ERFL: variants seen among roughly 807,000 people sequenced by gnomAD.
ERFL encodes ETS repressor factor like, also known as ETS domain-containing transcription factor ERF-like.
ERFL carries 8 observed loss-of-function variants against 27.9 expected under a neutral mutation model. That is an observed-to-expected ratio of 0.29 (90% confidence interval 0.17 to 0.52). ERFL has a LOEUF of 0.52. ERFL is among the 20% of genes least tolerant of loss of function. ERFL has a pLI of 0.97. For missense variants in ERFL, 294 were observed against 444.4 expected (o/e 0.66, Z 3.04); for synonymous variants, 174 against 202.8 (o/e 0.86, Z 1.21).
At chr19:41,920,104 A>ACG (rs2074831055) in intron 1 of ERFL, among the ~76,000 whole-genome samples, 2 of 108,862 alleles carry the variant, frequency 1.8e-5, no homozygotes, top group African/African-American at 7.0e-5. Flanking sequence ...ACAGACATAC[A>ACG]CTCACAGACA....
chr19:41,927,301 G>A (rs1555853351), intron 1 of ERFL, among the ~76,000 whole-genome samples: 1 of 152,126 alleles, frequency 6.6e-6, no homozygotes, highest in African/African-American at 2.4e-5. Flanking sequence ...GGCCAGGCCT[G>A]TACTCCTTGC....
rs2074746087 is a variant in ERFL, at chr19:41,910,550, G to A, written c.68-453C>T. 6.6e-6 allele frequency among the ~76,000 whole-genome samples: 1 copy of A among 152,044 alleles called. No homozygotes were observed. Among genetic ancestry groups the A allele is most frequent in the African/African-American group, 2.4e-5 (1 of 41,366 alleles). Reference sequence around the variant, plus strand: ...CTCTGTTCCCCATTCCCTGTCCCCTGCTCCACCTTTCGACATTCCCCAGAG... The same window carrying A: ...CTCTGTTCCCCATTCCCTGTCCCCTACTCCACCTTTCGACATTCCCCAGAG... On this transcript the variant is annotated intron_variant, in intron 2 of 5. Transcript: ENST00000597630. The surrounding 1 kb of genome is among the most constrained non-coding windows in gnomAD (Gnocchi z 4.4).
chr19:41,920,597 C>T (rs2074836544), intron 1 of ERFL, among the ~76,000 whole-genome samples: 1 of 152,250 alleles, frequency 6.6e-6, no homozygotes, highest in East Asian at 1.9e-4. Context: ...ACAGACAGGA[C>T]ATGTGTGGCT....
At position 41,910,708 on chromosome 19, in the gene ERFL, T is replaced by C. The variant is rs528012730; in HGVS notation, c.68-611A>G. Among the ~76,000 whole-genome samples the C allele has an allele frequency of 6.6e-6, 1 of 152,186 alleles. No individual in the cohort carries two copies. The highest frequency in any genetic ancestry group is 1.9e-4 in the East Asian group (1 of 5,184). ...CATGCCCATGTCCGTCCAAGAGCAG[T>C]CCAGAACGATGTGTGTGTGTGCGTG... is the stretch of plus-strand genomic sequence containing the variant. On this transcript the variant is annotated intron_variant, in intron 2 of 5. Transcript: ENST00000597630. This position sits in a 1 kb window ranked among gnomAD's most constrained non-coding sequence, Gnocchi z 4.4.
chr19:41,918,437 T>C (rs536739922), intron 1 of ERFL, among the ~76,000 whole-genome samples: 34 of 108,258 alleles, frequency 3.1e-4, no homozygotes, highest in African/African-American at 1.5e-3. Flanking sequence ...CACACACACA[T>C]AAATACACCA....
At chr19:41,924,829 G>A (rs1236751174) in intron 1 of ERFL, among the ~76,000 whole-genome samples, 2 of 152,210 alleles carry the variant, frequency 1.3e-5, no homozygotes, top group South Asian at 2.1e-4. Context: ...AAAGGGGACC[G>A]GTGTTTCTGG....
intron 2 of ERFL, among the ~76,000 whole-genome samples, chr19:41,911,117 C>A (rs1232601570): frequency 6.6e-6 from 1 of 152,178 alleles, no homozygotes; most frequent in Non-Finnish European, 1.5e-5. Flanking sequence ...CAAACCTGCA[C>A]ACAGAGGCAC....
rs547666671 is a variant in ERFL, at chr19:41,923,166, G to A, written c.-14+4874C>T. On this transcript the variant is annotated intron_variant, in intron 1 of 5. Coordinates refer to ENST00000597630, the MANE Select transcript of ERFL (RefSeq NM_001365103.2). ...CCCATTTCACAGATGTGGAAACTGA[G>A]GTTCTGACAGGAAAAGTAACTTGGC... 314 of 456,484 alleles carry A rather than the reference G, an allele frequency of 6.9e-4. 1 individual carries two copies. The highest frequency in any genetic ancestry group is 3.0e-3 in the South Asian group (196 of 64,570). The allele number at this position is 456,484 out of a possible 1,614,324, so 28.3% of individuals were successfully genotyped here. A position where few individuals can be genotyped will look rare whatever the true frequency, so the allele number is the denominator to read the frequency against.
intron 1 of ERFL, among the ~76,000 whole-genome samples, chr19:41,913,392 G>T (rs1296636966): frequency 6.6e-6 from 1 of 151,762 alleles, no homozygotes; most frequent in African/African-American, 2.4e-5. Context: ...TCTCTCTCTG[G>T]CTGCCCCAGA....
chr19:41,915,728 G>A (rs372667637), intron 1 of ERFL, among the ~76,000 whole-genome samples: 9 of 151,916 alleles, frequency 5.9e-5, no homozygotes, highest in Admixed American at 2.0e-4. Context: ...TTTCTGTCCC[G>A]GTGTCCGTCT....
At position 41,909,497 on chromosome 19, in the gene ERFL, G is replaced by A. The variant is rs2074740803; in HGVS notation, c.303-26C>T. The A allele has an allele frequency of 2.4e-6, 3 of 1,251,508 alleles. No individual in the cohort carries two copies. The allele number at this position is 1,251,508 out of a possible 1,614,324, so 77.5% of individuals were successfully genotyped here. A position where few individuals can be genotyped will look rare whatever the true frequency, so the allele number is the denominator to read the frequency against. ...CTGTGGGGAGAGTGGTGGTGTTGGG[G>A]AGGTGCAGGGGGAGCCCTGGGGCGG... is the stretch of plus-strand genomic sequence containing the variant. On this transcript the variant is annotated intron_variant, in intron 3 of 5. Coordinates refer to ENST00000597630, the MANE Select transcript of ERFL (RefSeq NM_001365103.2). This position sits in a 1 kb window ranked among gnomAD's most constrained non-coding sequence, Gnocchi z 5.2.
chr19:41,914,652 CACCATCTCTGTCTCTCCCTCCCCT>C lies in ERFL; in HGVS notation c.-13-1744_-13-1721del, dbSNP rs1555851620. 1.4e-4 allele frequency among the ~76,000 whole-genome samples: 6 copies of C among 41,982 alleles called. 1 individual carries two copies. Among genetic ancestry groups the C allele is most frequent in the East Asian group, 8.5e-4 (1 of 1,182 alleles). The allele number at this position is 41,982 out of a possible 152,430, so 27.5% of individuals were successfully genotyped here. A position where few individuals can be genotyped will look rare whatever the true frequency, so the allele number is the denominator to read the frequency against. ...CTGTCTCTGTCTCTCCCTCCCTTTC[CACCATCTCTGTCTCTCCCTCCCCT>C]TCCACCATCTCTGTCTCTCCCTCCC... On this transcript the variant is annotated intron_variant, in intron 1 of 5. Transcript: ENST00000597630.
intron 1 of ERFL, among the ~76,000 whole-genome samples, chr19:41,918,312 A>C (rs1225347443): frequency 6.6e-6 from 1 of 151,466 alleles, no homozygotes; most frequent in African/African-American, 2.4e-5. Flanking sequence ...ACCTAGCCCC[A>C]CACACCACAT....
intron 1 of ERFL, among the ~76,000 whole-genome samples, chr19:41,924,361 C>T (rs2074859448): frequency 6.6e-6 from 1 of 152,086 alleles, no homozygotes; most frequent in South Asian, 2.1e-4. Context: ...ACTCTCTGGA[C>T]TCAGTTTCCT....
chr19:41,920,839 G>A (rs2074837665), intron 1 of ERFL, among the ~76,000 whole-genome samples: 1 of 152,246 alleles, frequency 6.6e-6, no homozygotes, highest in Non-Finnish European at 1.5e-5. Flanking sequence ...TTGAGAGGTG[G>A]GGAGGCTCCA....
At chr19:41,911,432 C>T (rs782139595) in intron 2 of ERFL, among the ~76,000 whole-genome samples, 22 of 152,184 alleles carry the variant, frequency 1.4e-4, no homozygotes, top group African/African-American at 1.9e-4. Context: ...AGACCAGCAT[C>T]GCCGTGTCCA....
At chr19:41,919,927 C>CGTGA (rs1354621745) in intron 1 of ERFL, among the ~76,000 whole-genome samples, 17 of 151,872 alleles carry the variant, frequency 1.1e-4, no homozygotes, top group Non-Finnish European at 5.9e-5. Flanking sequence ...ACATGACACG[C>CGTGA]TCACAGACAT....
Position 41,913,036 on chromosome 19 carries a change from C to A in ERFL, c.-13-104G>T, listed in dbSNP as rs570546440. 372 of 436,282 alleles carry A rather than the reference C, an allele frequency of 8.5e-4. 1 individual carries two copies. The highest frequency in any genetic ancestry group is 1.3e-3 in the Non-Finnish European group (329 of 261,162). The allele number at this position is 436,282 out of a possible 1,614,324, so 27.0% of individuals were successfully genotyped here. On this transcript the variant is annotated intron_variant, in intron 1 of 5. Transcript: ENST00000597630. ...GGGGCCTTCCCCTCTCCCAGGTCCC[C>A]ACCCCAGCCTGACACCCTCTCCCCG...
chr19:41,913,283 C>T (rs1224304160), intron 1 of ERFL, among the ~76,000 whole-genome samples: 1 of 144,806 alleles, frequency 6.9e-6, no homozygotes, highest in African/African-American at 2.5e-5. Flanking sequence ...CCGCCCGCCG[C>T]TCGCGCCCCG....
Sources: allele counts gnomAD v4.1 joint callset (sites outside exome capture counted in the v4.1 genomes callset), GRCh38; gene constraint gnomAD v4.1.1; non-coding constraint Gnocchi (gnomAD v3.1); transcripts MANE v1.5; gene names NCBI Gene and HGNC (gene_info 2026-07-23, HGNC 2026-07-21).